The following COL4A5 variants were observed in gnomAD, a reference collection of about 807,000 sequenced individuals.
COL4A5 encodes the protein collagen alpha-5(IV) chain.
A neutral mutation model predicts 130.2 loss-of-function variants in COL4A5; 26 were observed. The ratio of observed to expected loss-of-function variants is 0.20; its 90% confidence interval spans 0.15 to 0.28. The LOEUF (loss-of-function observed/expected upper bound fraction) is 0.28. Ranked by LOEUF, COL4A5 falls within the 10% of genes least tolerant of loss-of-function variation. The pLI is 1.00. For missense variants in COL4A5, 1,131 were observed against 1,344.3 expected (o/e 0.84, Z 2.48); for synonymous variants, 496 against 439.6 (o/e 1.13, Z -1.60).
intron 22 of COL4A5, 78 bp downstream of exon 22, chrX:108,595,679 A>G (rs1281498820): frequency 5.9e-6 from 5 of 849,111 alleles, no homozygotes; most frequent in Non-Finnish European, 6.8e-6. Flanking sequence ...GAATGTTACC[A>G]GTTTCTCATT....
rs779016734 is a variant in COL4A5, at chrX:108,605,029, T to A, written c.2245-1713T>A. Among the ~76,000 whole-genome samples, 71 of 112,253 alleles carry A rather than the reference T, an allele frequency of 6.3e-4. 2 individuals carry two copies. The highest frequency in any genetic ancestry group is 5.2e-3 in the Admixed American group (55 of 10,613). On this transcript the variant is annotated intron_variant, in intron 28 of 52. Transcript: ENST00000328300. ...TGGCTGGTTTGATCTTCTGTCCAGA[T>A]CACTCAAACTTTCTCCATATCAGCA...
intron 30 of COL4A5, among the ~76,000 whole-genome samples, chrX:108,615,874 A>G (rs138320572): frequency 0.015 from 1,634 of 112,561 alleles, 25 homozygotes; most frequent in African/African-American, 0.05. Context: ...TCAGATGTGC[A>G]TACATTTATC....
At chrX:108,623,824 T>G (rs2067101928) in intron 33 of COL4A5, among the ~76,000 whole-genome samples, 3 of 112,159 alleles carry the variant, frequency 2.7e-5, no homozygotes, top group African/African-American at 9.7e-5. Context: ...ATGACTTTCT[T>G]GGCTTACCCC....
At chrX:108,593,533 C>T (rs777560648) in intron 21 of COL4A5, among the ~76,000 whole-genome samples, 74 of 111,207 alleles carry the variant, frequency 6.7e-4, no homozygotes, top group African/African-American at 2.4e-3. Flanking sequence ...GTGTTTTCTT[C>T]TAGACACTTT....
intron 36 of COL4A5, among the ~76,000 whole-genome samples, chrX:108,646,135 G>C (rs187358671): frequency 8.9e-4 from 98 of 110,420 alleles, no homozygotes; most frequent in African/African-American, 3.1e-3. Flanking sequence ...TCTAGTTCTA[G>C]AACCCTGAGG....
intron 4 of COL4A5, among the ~76,000 whole-genome samples, chrX:108,566,844 CTG>C (rs770204002): frequency 8.9e-6 from 1 of 111,733 alleles, no homozygotes; most frequent in Non-Finnish European, 1.9e-5. Context: ...CGATTTGTCA[CTG>C]TTTCAATGTC....
At chrX:108,483,300 A>G (rs771231531) in intron 1 of COL4A5, among the ~76,000 whole-genome samples, 2 of 110,581 alleles carry the variant, frequency 1.8e-5, no homozygotes, top group African/African-American at 6.6e-5. Context: ...AAGGTCCCAC[A>G]ATATGCTGTC....
intron 18 of COL4A5, among the ~76,000 whole-genome samples, chrX:108,585,627 T>A (rs1198363129): frequency 9.0e-6 from 1 of 111,241 alleles, no homozygotes; most frequent in Non-Finnish European, 1.9e-5. Context: ...TGCTATTAGG[T>A]GTTGATTTGT....
chrX:108,664,687 G>C (rs1180608027), intron 37 of COL4A5, among the ~76,000 whole-genome samples: 1 of 112,320 alleles, frequency 8.9e-6, no homozygotes, highest in Non-Finnish European at 1.9e-5. Flanking sequence ...TCTAGGATAT[G>C]TAAAAAACTT....
intron 3 of COL4A5, among the ~76,000 whole-genome samples, chrX:108,563,350 A>G (rs1408089811): frequency 1.8e-5 from 2 of 111,592 alleles, no homozygotes; most frequent in Non-Finnish European, 3.8e-5. Flanking sequence ...TGGAACTGAC[A>G]GCTAGGAAGG....
chrX:108,529,311 T>C, intron 1 of COL4A5, among the ~76,000 whole-genome samples: 1 of 111,338 alleles, frequency 9.0e-6, no homozygotes, highest in Non-Finnish European at 1.9e-5. Flanking sequence ...CAAGAAATGC[T>C]CAAGTGAGTC....
chrX:108,487,139 C>T (rs749166694), intron 1 of COL4A5, among the ~76,000 whole-genome samples: 64 of 111,145 alleles, frequency 5.8e-4, no homozygotes, highest in African/African-American at 1.7e-3. Context: ...CGCCTGTAAT[C>T]CCAGCACTTT....
intron 36 of COL4A5, among the ~76,000 whole-genome samples, chrX:108,628,423 C>T (rs1248967029): frequency 9.0e-6 from 1 of 111,364 alleles, no homozygotes; most frequent in Non-Finnish European, 1.9e-5. Flanking sequence ...CCTCATTCTA[C>T]AGATATTGGG....
At chrX:108,560,559 A>T (rs1202756454) in intron 3 of COL4A5, among the ~76,000 whole-genome samples, 1 of 113,052 alleles carries the variant, frequency 8.8e-6, no homozygotes, top group East Asian at 2.8e-4. Context: ...TCCCATGAGT[A>T]GACAGTAGGT....
rs988777885 is a variant in COL4A5 at position 108,586,558 on chromosome X, G to A, written c.1033-57G>A. ...TATGTAGCTCCCATAATGTTTTCAGGAGAACAAGGCTTTTCTTCTTTGCAT... is the reference window on the plus strand; with the variant it reads ...TATGTAGCTCCCATAATGTTTTCAGAAGAACAAGGCTTTTCTTCTTTGCAT... On this transcript the variant is annotated intron_variant, in intron 18 of 52. Transcript: ENST00000328300. 12 of 1,093,233 alleles carry A rather than the reference G, an allele frequency of 1.1e-5. No homozygotes were observed. In the Admixed American group the frequency reaches 2.8e-4, roughly 25 times the overall value. 90.1% of individuals were successfully genotyped at this position (1,093,233 alleles called of 1,213,427 possible). A position where few individuals can be genotyped will look rare whatever the true frequency, so the allele number is the denominator to read the frequency against.
chrX:108,495,519 CATT>C (rs2065027744), intron 1 of COL4A5, among the ~76,000 whole-genome samples: 1 of 111,001 alleles, frequency 9.0e-6, no homozygotes, highest in Admixed American at 9.6e-5. Context: ...CCCCAAATCC[CATT>C]AGAAAATGGA....
chrX:108,465,668 A>T (rs1228698382), intron 1 of COL4A5, among the ~76,000 whole-genome samples: 1 of 111,840 alleles, frequency 8.9e-6, no homozygotes, highest in East Asian at 2.8e-4. Context: ...GAATCCTTTA[A>T]CTATTAATAC....
chrX:108,622,686 C>T lies in COL4A5; in HGVS notation c.2778C>T (p.Gly926=), dbSNP rs757011378. ...SGVPGLKGDD[G]LQGQPGLPGP... ...ACACATTGATTTTAGGTGATGATGG[C>T]TTGCAGGGTCAGCCAGGACTTCCTG... The change falls in exon 33 of 53, where the codon GGC becomes GGT. Residue 926 remains glycine (G), a synonymous_variant. Transcript: ENST00000328300. 3.3e-6 allele frequency: 4 copies of T among 1,211,026 alleles called. No homozygotes were observed. In the South Asian group the frequency reaches 7.0e-5, roughly 21 times the overall value.
intron 1 of COL4A5, among the ~76,000 whole-genome samples, chrX:108,464,436 G>A (rs1189315612): frequency 8.9e-6 from 1 of 111,919 alleles, no homozygotes; most frequent in Non-Finnish European, 1.9e-5. Flanking sequence ...GTAAACCAAT[G>A]TGTAAACAAG....
Sources: allele counts gnomAD v4.1 joint callset (sites outside exome capture counted in the v4.1 genomes callset), GRCh38; gene constraint gnomAD v4.1.1; transcripts MANE v1.5; gene names NCBI Gene and HGNC (gene_info 2026-07-23, HGNC 2026-07-21).